RARB: variants seen among roughly 807,000 people sequenced by gnomAD.
The protein encoded by RARB is retinoic acid receptor beta, also known as HBV-activated protein.
Under a neutral mutation model 51.9 loss-of-function variants are expected in RARB, and 17 were observed. That is an observed-to-expected ratio of 0.33 (90% CI 0.22 to 0.49). The LOEUF is 0.49. Ranked by LOEUF, RARB falls within the 20% of genes least tolerant of loss-of-function variation. RARB has a pLI of 0.99. For missense variants in RARB, 369 were observed against 550.8 expected, an observed-to-expected ratio of 0.67 and a Z score of 3.30; for synonymous variants, 215 against 195.4, an observed-to-expected ratio of 1.10 and a Z score of -0.84.
chr3:25,097,681 G>A (rs1699324798), intron 3 of RARB, among the ~76,000 whole-genome samples: 1 of 152,112 alleles, frequency 6.6e-6, no homozygotes, highest in African/African-American at 2.4e-5. Flanking sequence ...CTAATGGAGA[G>A]CAGTGCCACC....
At chr3:25,321,439 C>T (rs111288360) in intron 5 of RARB, among the ~76,000 whole-genome samples, 1 of 151,900 alleles carries the variant, frequency 6.6e-6, no homozygotes, top group Non-Finnish European at 1.5e-5. Flanking sequence ...GCTATCAGGT[C>T]GGTCACGGTG....
chr3:24,919,710 G>C (rs1316947903), intron 2 of RARB, among the ~76,000 whole-genome samples: 33 of 152,136 alleles, frequency 2.2e-4, no homozygotes, highest in Admixed American at 2.2e-3. Context: ...TTTCTAAAAG[G>C]ACCCAGAACA....
chr3:25,346,772 C>T (rs1705407628), intron 5 of RARB, among the ~76,000 whole-genome samples: 1 of 152,142 alleles, frequency 6.6e-6, no homozygotes, highest in African/African-American at 2.4e-5. Context: ...GGGACATGGC[C>T]CACTGGTCAA....
At chr3:25,582,497 G>T (rs1575540365) in intron 5 of RARB, among the ~76,000 whole-genome samples, 1 of 151,846 alleles carries the variant, frequency 6.6e-6, no homozygotes, top group Non-Finnish European at 1.5e-5. Context: ...TCCTTCTTTT[G>T]TCTAGTTGCC....
intron 5 of RARB, among the ~76,000 whole-genome samples, chr3:25,247,232 G>T (rs1323372168): frequency 6.6e-6 from 1 of 152,224 alleles, no homozygotes; most frequent in Non-Finnish European, 1.5e-5. Flanking sequence ...AGATATTCAA[G>T]CCAGTGGGTC....
chr3:25,041,353 T>A (rs1469014811), intron 2 of RARB, among the ~76,000 whole-genome samples: 2 of 152,190 alleles, frequency 1.3e-5, no homozygotes, highest in African/African-American at 4.8e-5. Flanking sequence ...CCGTTTAATA[T>A]TTAAATATTC....
At chr3:24,934,681 A>T (rs1695513467) in intron 2 of RARB, among the ~76,000 whole-genome samples, 1 of 152,108 alleles carries the variant, frequency 6.6e-6, no homozygotes, top group Non-Finnish European at 1.5e-5. Context: ...TTCTTCCCAT[A>T]AATAAATAAA....
chr3:25,275,377 A>G (rs908961318), intron 5 of RARB, among the ~76,000 whole-genome samples: 1 of 152,050 alleles, frequency 6.6e-6, no homozygotes, highest in Non-Finnish European at 1.5e-5. Flanking sequence ...GGGAGGATCG[A>G]GTGAGCCTGG....
In RARB at chr3:25,119,418, G is replaced by T. The variant is rs373709791; in HGVS notation, c.-327-12743G>T. On this transcript the variant is annotated intron_variant, in intron 3 of 11. Coordinates refer to the RARB transcript ENST00000383772. ...ACTGTAAGATGAATGAAGTAGTAGT[G>T]TATGCTCCATGGGTGTATTGTGAGG... Among the ~76,000 whole-genome samples, 57 of 152,268 alleles carry T rather than the reference G, an allele frequency of 3.7e-4. 1 individual carries two copies. In the South Asian group the frequency reaches 0.011, roughly 29 times the overall value.
chr3:25,145,073 C>T (rs1260731793), intron 4 of RARB, among the ~76,000 whole-genome samples: 1 of 152,148 alleles, frequency 6.6e-6, no homozygotes, highest in Non-Finnish European at 1.5e-5. Context: ...AGAAGCTACT[C>T]CCAAGGCCCT....
At chr3:25,328,865 CAGG>C (rs767054735) in intron 5 of RARB, among the ~76,000 whole-genome samples, 1 of 152,178 alleles carries the variant, frequency 6.6e-6, no homozygotes, top group African/African-American at 2.4e-5. Flanking sequence ...AATGGCACAC[CAGG>C]AGATTATGTC....
At chr3:25,352,555 G>T (rs1282883031) in intron 5 of RARB, among the ~76,000 whole-genome samples, 1 of 152,130 alleles carries the variant, frequency 6.6e-6, no homozygotes, top group African/African-American at 2.4e-5. Flanking sequence ...GTATTAACCT[G>T]CCCCAATTTG....
intron 5 of RARB, among the ~76,000 whole-genome samples, chr3:25,243,031 G>A (rs1702469900): frequency 6.6e-6 from 1 of 152,126 alleles, no homozygotes; most frequent in South Asian, 2.1e-4. Context: ...CACATCCCCT[G>A]TAAGTTGTAT....
At chr3:24,958,890 C>T (rs1696079945) in intron 2 of RARB, among the ~76,000 whole-genome samples, 1 of 152,146 alleles carries the variant, frequency 6.6e-6, no homozygotes, top group African/African-American at 2.4e-5. Flanking sequence ...CTTCATGGGC[C>T]TCATGACAGG....
At chr3:25,157,086 G>A (rs1176543084) in intron 4 of RARB, among the ~76,000 whole-genome samples, 2 of 152,170 alleles carry the variant, frequency 1.3e-5, no homozygotes, top group Non-Finnish European at 2.9e-5. Flanking sequence ...ATGTATGTAT[G>A]TGTATGCATG....
At position 25,504,816 on chromosome 3, in the gene RARB, G is replaced by A. The variant is rs534817249; in HGVS notation, c.448+3493G>A. On this transcript the variant is annotated intron_variant, in intron 3 of 7. Transcript: ENST00000330688. Reference sequence around the variant, plus strand: ...TGTGTCACCCAGGCTGGAGTGCAGTGGCGTGATCTCAGCTCCCTGCAACCT... The same window carrying A: ...TGTGTCACCCAGGCTGGAGTGCAGTAGCGTGATCTCAGCTCCCTGCAACCT... Among the ~76,000 whole-genome samples the A allele has an allele frequency of 3.4e-5, 5 of 144,994 alleles. No homozygotes were observed. In the South Asian group the frequency reaches 1.1e-3, roughly 32 times the overall value.
intron 2 of RARB, among the ~76,000 whole-genome samples, chr3:25,042,896 T>G (rs918393608): frequency 6.6e-6 from 1 of 152,172 alleles, no homozygotes; most frequent in Admixed American, 6.5e-5. Context: ...TTTTCTACTC[T>G]CTCCTTTTAT....
intron 3 of RARB, among the ~76,000 whole-genome samples, chr3:25,084,919 C>T (rs1170733172): frequency 6.6e-6 from 1 of 152,036 alleles, no homozygotes; most frequent in Admixed American, 6.6e-5. Flanking sequence ...CCTTAATTAT[C>T]GGCAGTTTTG....
intron 3 of RARB, among the ~76,000 whole-genome samples, chr3:25,518,442 T>C (rs751929188): frequency 3.9e-5 from 6 of 152,180 alleles, no homozygotes; most frequent in African/African-American, 1.4e-4. Context: ...GGAGACGTCA[T>C]TTAGGATGTC....
Sources: gnomAD v4.1 joint callset for allele counts (sites outside exome capture counted in the v4.1 genomes callset) on GRCh38, gnomAD v4.1.1 for gene constraint, MANE v1.5 for transcripts, NCBI Gene and HGNC (gene_info 2026-07-23, HGNC 2026-07-21) for gene names.